Variants in LDLRAD3 observed in about 807,000 individuals in gnomAD.
The protein encoded by LDLRAD3 is low density lipoprotein receptor class A domain containing 3.
A neutral mutation model predicts 29.4 loss-of-function variants in LDLRAD3; 20 were observed. The observed-to-expected ratio is 0.68, with a 90% CI of 0.48 to 0.99. The LOEUF is 0.99. LDLRAD3 is among the 50% of genes least tolerant of loss of function. The pLI, the probability that LDLRAD3 is intolerant of heterozygous loss-of-function variation, is 0.00. For missense variants in LDLRAD3, 420 were observed against 454.3 expected, an observed-to-expected ratio of 0.92 and a Z score of 0.69; for synonymous variants, 157 against 192.7, an observed-to-expected ratio of 0.81 and a Z score of 1.53.
intron 4 of LDLRAD3, among the ~76,000 whole-genome samples, chr11:36,130,024 G>A (rs1853902138): frequency 1.3e-5 from 2 of 152,198 alleles, no homozygotes; most frequent in African/African-American, 2.4e-5. Context: ...GTGGTGCCTG[G>A]AACTCAGGAG....
In LDLRAD3 at chr11:36,126,738, G is replaced by T. The variant is rs182377414; in HGVS notation, c.454+28277G>T. Among the ~76,000 whole-genome samples the T allele has an allele frequency of 3.7e-4, 56 of 152,278 alleles. 1 individual carries two copies. The highest frequency in any genetic ancestry group is 7.4e-5 in the Non-Finnish European group (5 of 68,024). ...AACTCCAGTGTTCCTGGTGTTATTT[G>T]GTATGTCTGTGGCTTTAATTTCCTT... On this transcript the variant is annotated intron_variant, in intron 4 of 5. Coordinates refer to ENST00000315571, the MANE Select transcript of LDLRAD3 (RefSeq NM_174902.4).
intron 3 of LDLRAD3, among the ~76,000 whole-genome samples, chr11:36,089,159 A>G (rs1243990568): frequency 2.6e-5 from 4 of 152,230 alleles, no homozygotes; most frequent in Non-Finnish European, 5.9e-5. Context: ...ATAGTATACA[A>G]ACTTTCAGGG....
At chr11:36,184,941 A>G (rs1240097879) in intron 4 of LDLRAD3, among the ~76,000 whole-genome samples, 2 of 152,178 alleles carry the variant, frequency 1.3e-5, no homozygotes, top group Non-Finnish European at 2.9e-5. Context: ...CTAGCTCACC[A>G]TTGCCCTTGG....
chr11:36,057,757 C>T (rs1228190380), intron 2 of LDLRAD3, among the ~76,000 whole-genome samples: 1 of 152,192 alleles, frequency 6.6e-6, no homozygotes, highest in Non-Finnish European at 1.5e-5. Context: ...TTCCCTTGCT[C>T]ATTTATTTCC....
chr11:36,113,372 C>T (rs1853632081), intron 4 of LDLRAD3, among the ~76,000 whole-genome samples: 1 of 151,844 alleles, frequency 6.6e-6, no homozygotes, highest in Non-Finnish European at 1.5e-5. Context: ...TCCAAGACCA[C>T]TACAGTGGTT....
chr11:36,010,186 G>A (rs1265409247), intron 1 of LDLRAD3: 2 of 154,382 alleles, frequency 1.3e-5, no homozygotes, highest in African/African-American at 4.8e-5. Context: ...TGCAAACAAA[G>A]TACAGCATTA....
intron 1 of LDLRAD3, among the ~76,000 whole-genome samples, chr11:36,004,075 C>T (rs1851856015): frequency 1.3e-5 from 2 of 152,180 alleles, no homozygotes; most frequent in Admixed American, 6.5e-5. Flanking sequence ...CAAATTATTG[C>T]ACCCGTGACC....
At chr11:35,997,729 A>C (rs1167693259) in intron 1 of LDLRAD3, 1 of 168,618 alleles carries the variant, frequency 5.9e-6, no homozygotes, top group Non-Finnish European at 1.3e-5. Context: ...GACCCAATAA[A>C]GTTGCACCTT....
At chr11:36,224,007 A>G (rs1009981846) in intron 4 of LDLRAD3, among the ~76,000 whole-genome samples, 14 of 150,904 alleles carry the variant, frequency 9.3e-5, no homozygotes, top group Admixed American at 2.6e-4. Context: ...GTTAAGCGCC[A>G]CTGAACTGTG....
intron 1 of LDLRAD3, among the ~76,000 whole-genome samples, chr11:36,005,877 G>T (rs1851878952): frequency 1.3e-5 from 2 of 152,080 alleles, no homozygotes; most frequent in South Asian, 2.1e-4. Context: ...GAGCGCGAAG[G>T]GGGAAGTGCC....
chr11:36,098,374 G>C lies in LDLRAD3; in HGVS notation c.367G>C (p.Gly123Arg). Residue 123 changes from glycine (G) to arginine (R), a missense_variant, in exon 4 of 6, where the codon GGC becomes CGC. Around this residue, in one of 3 missense-constraint regions of LDLRAD3, gnomAD observed 224 missense variants for 222.2 expected, o/e 1.01. Transcript: ENST00000315571. ...CACCGCCCGCTACCACTGCAAGAAC[G>C]GCCTCTGTATTGACAAGAGCTTCAT... is the stretch of plus-strand genomic sequence containing the variant. The part of the protein sequence containing the change: ...CSTARYHCKN[G>R]LCIDKSFICD... 6.2e-7 allele frequency: 1 copy of C among 1,614,204 alleles called. No individual in the cohort carries two copies. The highest frequency in any genetic ancestry group is 8.5e-7 in the Non-Finnish European group (1 of 1,180,030).
At chr11:36,007,347 C>T (rs1565157475) in intron 1 of LDLRAD3, among the ~76,000 whole-genome samples, 1 of 152,168 alleles carries the variant, frequency 6.6e-6, no homozygotes, top group Non-Finnish European at 1.5e-5. Flanking sequence ...GTCTAGCCTA[C>T]CTGCTTTGCA....
At chr11:36,133,139 T>G (rs1853950160) in intron 4 of LDLRAD3, among the ~76,000 whole-genome samples, 1 of 152,194 alleles carries the variant, frequency 6.6e-6, no homozygotes, top group South Asian at 2.1e-4. Flanking sequence ...TTCTGGCATC[T>G]CCTGCAGTGA....
intron 4 of LDLRAD3, among the ~76,000 whole-genome samples, chr11:36,142,580 G>C (rs1292294149): frequency 6.6e-6 from 1 of 152,050 alleles, no homozygotes; most frequent in Non-Finnish European, 1.5e-5. Context: ...CCACTGTCTG[G>C]TTCCCGCCCC....
At chr11:35,952,528 A>G (rs1190905273) in intron 1 of LDLRAD3, among the ~76,000 whole-genome samples, 3 of 152,214 alleles carry the variant, frequency 2.0e-5, no homozygotes, top group African/African-American at 7.2e-5. Flanking sequence ...TTTTGCAAAG[A>G]CTGAATTTAT....
chr11:36,104,415 C>CTA (rs376107633), intron 4 of LDLRAD3, among the ~76,000 whole-genome samples: 2 of 152,036 alleles, frequency 1.3e-5, no homozygotes, highest in African/African-American at 2.4e-5. Context: ...GTTTAAACCT[C>CTA]TAAGTTTTGG....
intron 4 of LDLRAD3, among the ~76,000 whole-genome samples, chr11:36,125,087 A>T (rs1376836671): frequency 6.6e-6 from 1 of 151,978 alleles, no homozygotes; most frequent in Non-Finnish European, 1.5e-5. Context: ...CCTTAGTATT[A>T]TTGTTCACAG....
At chr11:35,964,874 T>C (rs1851319449) in intron 1 of LDLRAD3, among the ~76,000 whole-genome samples, 1 of 151,810 alleles carries the variant, frequency 6.6e-6, no homozygotes, top group Non-Finnish European at 1.5e-5. Context: ...CTGTAGTGCC[T>C]GCTACTCAGA....
chr11:36,132,171 A>C (rs4450151), intron 4 of LDLRAD3, among the ~76,000 whole-genome samples: 120,231 of 151,938 alleles, frequency 0.79, 47,840 homozygotes, highest in East Asian at 0.99. Context: ...TAATATGAAC[A>C]CGATATTAAG....
Sources: gnomAD v4.1 joint callset for allele counts (sites outside exome capture counted in the v4.1 genomes callset) on GRCh38, gnomAD v4.1.1 for gene constraint, gnomAD v4.1.1 regional missense constraint, MANE v1.5 for transcripts, NCBI Gene and HGNC (gene_info 2026-07-23, HGNC 2026-07-21) for gene names.